Variants in TRHDE observed in about 807,000 individuals in gnomAD.
TRHDE encodes the protein thyrotropin-releasing hormone-degrading ectoenzyme.
TRHDE carries 72 observed loss-of-function variants against 125.7 expected under a neutral mutation model. The ratio of observed to expected loss-of-function variants is 0.57; its 90% CI spans 0.47 to 0.70. The LOEUF is 0.70. TRHDE is among the 30% of genes least tolerant of loss of function. The pLI is 0.00. For synonymous variants in TRHDE, 509 were observed against 509.1 expected, an observed-to-expected ratio of 1.00 and a Z score of 0.00; for missense variants, 1,110 against 1,327.1, an observed-to-expected ratio of 0.84 and a Z score of 2.54.
intron 1 of TRHDE, among the ~76,000 whole-genome samples, chr12:72,280,758 A>T (rs1421048560): frequency 6.6e-6 from 1 of 152,170 alleles, no homozygotes; most frequent in East Asian, 1.9e-4. Flanking sequence ...GAGACTGAAG[A>T]GTCAGAAGGG....
At chr12:72,223,218 G>T (rs1302192563) in intron 2 of TRHDE, among the ~76,000 whole-genome samples, 1 of 152,066 alleles carries the variant, frequency 6.6e-6, no homozygotes, top group Non-Finnish European at 1.5e-5. Context: ...CCCGAGTTTA[G>T]CTGTAAAATC....
At chr12:72,605,086 A>C (rs1872380507) in intron 12 of TRHDE, among the ~76,000 whole-genome samples, 7 of 152,068 alleles carry the variant, frequency 4.6e-5, no homozygotes, top group Admixed American at 4.6e-4. Context: ...GTTGCAACTA[A>C]AATTGAGAAA....
intron 1 of TRHDE, among the ~76,000 whole-genome samples, chr12:72,285,676 A>C (rs1363881692): frequency 6.6e-6 from 1 of 151,926 alleles, no homozygotes; most frequent in Non-Finnish European, 1.5e-5. Flanking sequence ...ATGCGCTACC[A>C]TGCCCAGCTA....
chr12:72,447,575 T>C (rs1875358747), intron 3 of TRHDE, among the ~76,000 whole-genome samples: 2 of 152,054 alleles, frequency 1.3e-5, no homozygotes, highest in Admixed American at 6.6e-5. Context: ...AATCAAGCAA[T>C]CTGTTTTATG....
At chr12:72,219,367 A>G (rs1226775749) in intron 2 of TRHDE, among the ~76,000 whole-genome samples, 1 of 152,180 alleles carries the variant, frequency 6.6e-6, no homozygotes, top group African/African-American at 2.4e-5. Context: ...CTTGCAATAA[A>G]TAAGACTAAG....
At chr12:72,430,453 A>ACGTG (rs1565738409) in intron 3 of TRHDE, among the ~76,000 whole-genome samples, 1 of 148,852 alleles carries the variant, frequency 6.7e-6, no homozygotes, top group African/African-American at 2.5e-5. Flanking sequence ...ACGTATATAT[A>ACGTG]TGTGTATATA....
At chr12:72,229,149 G>A (rs1023548184) in intron 2 of TRHDE, among the ~76,000 whole-genome samples, 4 of 152,076 alleles carry the variant, frequency 2.6e-5, no homozygotes, top group East Asian at 3.8e-4. Flanking sequence ...GTCTGCATTA[G>A]CCCATTCTCA....
chr12:72,638,936 C>T (rs1440260536), intron 15 of TRHDE, among the ~76,000 whole-genome samples: 1 of 151,974 alleles, frequency 6.6e-6, no homozygotes, highest in Non-Finnish European at 1.5e-5. Context: ...CTGCCCTTAA[C>T]ATTTTTTCCT....
intron 2 of TRHDE, among the ~76,000 whole-genome samples, chr12:72,139,390 G>T (rs1222536838): frequency 6.6e-6 from 1 of 152,004 alleles, no homozygotes; most frequent in Non-Finnish European, 1.5e-5. Flanking sequence ...AGTCATACTT[G>T]CATGACTTTA....
chr12:72,476,590 A>C (rs1876904461), intron 5 of TRHDE, among the ~76,000 whole-genome samples: 1 of 152,204 alleles, frequency 6.6e-6, no homozygotes, highest in Non-Finnish European at 1.5e-5. Flanking sequence ...TGTAATAGAA[A>C]AACCAGAAGT....
At chr12:72,104,448 A>G (rs1470076232) in intron 1 of TRHDE, among the ~76,000 whole-genome samples, 1 of 152,208 alleles carries the variant, frequency 6.6e-6, no homozygotes, top group Non-Finnish European at 1.5e-5. Flanking sequence ...TCTAAATTAA[A>G]GTTAGAAATT....
At chr12:72,561,757 AT>A (rs1870187587) in intron 7 of TRHDE, among the ~76,000 whole-genome samples, 1 of 152,182 alleles carries the variant, frequency 6.6e-6, no homozygotes, top group Admixed American at 6.5e-5. Context: ...TAACATCAGC[AT>A]ATATTAGCTC....
Position 72,385,572 on chromosome 12 carries a change from C to T in TRHDE, c.1315+7451C>T, listed in dbSNP as rs566188288. ...ATATTTTTATATGTTTCTAACCCCC[C>T]ACTCTGACAACCACTTGTGCTAAAA... On this transcript the variant is annotated intron_variant, in intron 3 of 18. Coordinates refer to ENST00000261180, the MANE Select transcript of TRHDE (RefSeq NM_013381.3). 3.3e-5 allele frequency among the ~76,000 whole-genome samples: 5 copies of T among 152,186 alleles called. No homozygotes were observed. The South Asian group carries it at 1.0e-3, about 32-fold the overall frequency.
chr12:72,474,767 T>C (rs1473632781), intron 5 of TRHDE, among the ~76,000 whole-genome samples: 1 of 152,102 alleles, frequency 6.6e-6, no homozygotes, highest in East Asian at 1.9e-4. Context: ...GTTCCAAGTA[T>C]AATTTGAAGA....
chr12:72,191,531 T>TA (rs1238956245), intron 2 of TRHDE, among the ~76,000 whole-genome samples: 1 of 152,198 alleles, frequency 6.6e-6, no homozygotes, highest in Non-Finnish European at 1.5e-5. Flanking sequence ...CCTAATATCC[T>TA]AAAATTCTGC....
chr12:72,162,253 A>G (rs1455549429), intron 2 of TRHDE, among the ~76,000 whole-genome samples: 1 of 152,242 alleles, frequency 6.6e-6, no homozygotes, highest in Non-Finnish European at 1.5e-5. Flanking sequence ...ATATTATTGC[A>G]TGAGACTTTG....
At chr12:72,582,153 T>A in intron 12 of TRHDE, 4 of 408,806 alleles carry the variant, frequency 9.8e-6, no homozygotes, top group Non-Finnish European at 1.3e-5. Context: ...AGAGCAGTCA[T>A]CAGTAGTGCA....
chr12:72,186,985 T>C (rs1396831849), intron 2 of TRHDE, among the ~76,000 whole-genome samples: 1 of 152,226 alleles, frequency 6.6e-6, no homozygotes, highest in African/African-American at 2.4e-5. Context: ...ATGAGGCATA[T>C]GACCAGGTGT....
chr12:72,462,871 G>T (rs1046736468), intron 3 of TRHDE, among the ~76,000 whole-genome samples: 3 of 152,126 alleles, frequency 2.0e-5, no homozygotes, highest in Non-Finnish European at 4.4e-5. Context: ...CCTGGAACAT[G>T]AGCTTGGACA....
Sources: gnomAD v4.1 joint callset for allele counts (sites outside exome capture counted in the v4.1 genomes callset) on GRCh38, gnomAD v4.1.1 for gene constraint, MANE v1.5 for transcripts, NCBI Gene and HGNC (gene_info 2026-07-23, HGNC 2026-07-21) for gene names.